Variants in DMD observed in about 807,000 individuals in gnomAD.
DMD encodes dystrophin, also known as mutant dystrophin.
Under a neutral mutation model 330.1 loss-of-function variants are expected in DMD, and 63 were observed. That is an observed-to-expected ratio of 0.19 (90% CI 0.16 to 0.24). The LOEUF is 0.24. Among genes scored for constraint, DMD ranks in the 10% least tolerant of loss-of-function variants. The pLI is 1.00. For missense variants in DMD, 3,344 were observed against 2,684.1 expected (o/e 1.25, Z -5.43); for synonymous variants, 1,223 against 959.8 (o/e 1.27, Z -5.07).
At position 31,178,500 on chromosome X, in the gene DMD, G is replaced by C. The variant is rs1416692750; in HGVS notation, c.10223+169C>G. On this transcript the variant is annotated intron_variant, in intron 70 of 78. Coordinates refer to ENST00000357033, the MANE Select transcript of DMD (RefSeq NM_004006.3). ...GGAAAAAGAAATTGTCAAGTGACGT[G>C]GGAAAGTGGCAACTGGACATCAGCT... 4.1e-6 allele frequency: 4 copies of C among 987,635 alleles called. No homozygotes were observed. The Admixed American group carries it at 1.8e-4, about 44-fold the overall frequency. 81.4% of individuals were successfully genotyped at this position (987,635 alleles called of 1,213,427 possible).
At chrX:33,124,476 G>GAAAAAAAA (rs56147804) in intron 1 of DMD, among the ~76,000 whole-genome samples, 1 of 16,132 alleles carries the variant, frequency 6.2e-5, no homozygotes, top group African/African-American at 2.7e-4. Context: ...GACTCTGTCT[G>GAAAAAAAA]AAAAAAAAAA....
At chrX:32,326,533 G>T (rs189649598) in intron 41 of DMD, among the ~76,000 whole-genome samples, 41 of 112,861 alleles carry the variant, frequency 3.6e-4, no homozygotes, top group African/African-American at 9.0e-4. Context: ...GTTAGCTGGT[G>T]GCAGTGGTAT....
chrX:33,065,361 T>C (rs2094638180), intron 1 of DMD, among the ~76,000 whole-genome samples: 1 of 112,647 alleles, frequency 8.9e-6, no homozygotes, highest in Non-Finnish European at 1.9e-5. Flanking sequence ...ATATTTTTAT[T>C]TGTAGAGTTC....
intron 44 of DMD, chrX:32,206,236 T>C: frequency 1.9e-6 from 1 of 516,277 alleles, no homozygotes; most frequent in Non-Finnish European, 3.5e-6. Context: ...CAGCATTTAG[T>C]AGCTGGGGAG....
rs767392198 is a variant in DMD at position 32,813,101 on chromosome X, A to T, written c.530+3367T>A. Among the ~76,000 whole-genome samples, 10 of 111,812 alleles carry T rather than the reference A, an allele frequency of 8.9e-5. No individual in the cohort carries two copies. The East Asian group carries it at 2.5e-3, about 28-fold the overall frequency. On this transcript the variant is annotated intron_variant, in intron 6 of 78. Transcript: ENST00000357033. ...TAACTAACCAACTGAGTGTGTGGAT[A>T]TCTTATCTAAGTCATATAATTTATT...
chrX:32,218,801 G>T (rs2097122704), intron 43 of DMD, among the ~76,000 whole-genome samples: 1 of 111,735 alleles, frequency 8.9e-6, no homozygotes, highest in South Asian at 3.7e-4. Flanking sequence ...TTAAATAGTA[G>T]AGAGAGGCTT....
intron 44 of DMD, among the ~76,000 whole-genome samples, chrX:32,113,767 T>C (rs941723733): frequency 8.0e-5 from 9 of 111,981 alleles, no homozygotes; most frequent in Non-Finnish European, 1.7e-4. Flanking sequence ...TGATCATAGT[T>C]ATAGCTTTGA....
Position 32,342,213 on chromosome X carries a change from A to T in DMD, c.5809T>A (p.Ser1937Thr). The change falls in exon 41 of 79, where the codon TCT (serine) becomes ACT (threonine). Residue 1937 changes from serine to threonine, a missense_variant. Transcript: ENST00000357033. ...ACTGCCATTGCGGCCCCATCCTCAG[A>T]CAAGCCCTCAGCTTGCCTACGCACT... Reference protein sequence around the residue: ...NAVRRQAEGLSEDGAAMAVEP... With the variant: ...NAVRRQAEGLTEDGAAMAVEP... 1.7e-6 allele frequency: 2 copies of T among 1,211,226 alleles called. No homozygotes were observed. Among genetic ancestry groups the T allele is most frequent in the Middle Eastern group, 2.3e-4 (1 of 4,352 alleles).
chrX:32,410,357 C>G (rs1016032234), intron 30 of DMD, among the ~76,000 whole-genome samples: 1 of 111,323 alleles, frequency 9.0e-6, no homozygotes, highest in Non-Finnish European at 1.9e-5. Flanking sequence ...ACTTTTTAAG[C>G]CTATCAAAAC....
chrX:32,319,922 T>C (rs1211848570), intron 41 of DMD, among the ~76,000 whole-genome samples: 2 of 110,748 alleles, frequency 1.8e-5, no homozygotes, highest in African/African-American at 6.6e-5. Flanking sequence ...ATATTTTTTA[T>C]TTTAAGCTAT....
At chrX:33,265,430 C>T (rs1299472899) in intron 1 of DMD, among the ~76,000 whole-genome samples, 1 of 111,045 alleles carries the variant, frequency 9.0e-6, no homozygotes, top group Non-Finnish European at 1.9e-5. Context: ...TCCATAGGCC[C>T]CTTGTAAATT....
chrX:32,310,528 C>G (rs138805863), intron 41 of DMD, among the ~76,000 whole-genome samples: 251 of 111,126 alleles, frequency 2.3e-3, no homozygotes, highest in African/African-American at 7.8e-3. Flanking sequence ...AAATATAAGA[C>G]GAAAGACCAT....
At chrX:32,107,453 T>C (rs767111013) in intron 44 of DMD, among the ~76,000 whole-genome samples, 1 of 107,550 alleles carries the variant, frequency 9.3e-6, no homozygotes, top group East Asian at 3.0e-4. Flanking sequence ...ACTCCCAAGG[T>C]ATACAGGGTG....
At chrX:31,598,380 T>C (rs1477075185) in intron 55 of DMD, among the ~76,000 whole-genome samples, 1 of 111,577 alleles carries the variant, frequency 9.0e-6, no homozygotes, top group Non-Finnish European at 1.9e-5. Context: ...TGCCTTAGCC[T>C]CCCAAATTGC....
intron 9 of DMD, among the ~76,000 whole-genome samples, chrX:32,691,737 C>T (rs749171771): frequency 9.0e-6 from 1 of 110,981 alleles, no homozygotes; most frequent in South Asian, 3.8e-4. Flanking sequence ...TTCACAAGAG[C>T]CAAGATGTGG....
chrX:31,873,325 T>C (rs1440946225), intron 48 of DMD, among the ~76,000 whole-genome samples: 2 of 111,423 alleles, frequency 1.8e-5, no homozygotes, highest in Admixed American at 1.9e-4. Context: ...AAGGTAAACA[T>C]AGTCGAGAAC....
intron 7 of DMD, among the ~76,000 whole-genome samples, chrX:32,782,977 T>TAC (rs1367560842): frequency 9.6e-5 from 10 of 103,847 alleles, no homozygotes; most frequent in Non-Finnish European, 2.0e-4. Context: ...CACATATATA[T>TAC]ACCTATATGG....
chrX:32,313,805 A>C (rs1429238154), intron 41 of DMD, among the ~76,000 whole-genome samples: 2 of 111,321 alleles, frequency 1.8e-5, no homozygotes, highest in African/African-American at 6.5e-5. Flanking sequence ...AAATTGCTAC[A>C]AAGAGAATAA....
At chrX:33,059,992 C>T (rs955062829) in intron 1 of DMD, among the ~76,000 whole-genome samples, 1 of 111,914 alleles carries the variant, frequency 8.9e-6, no homozygotes, top group East Asian at 2.8e-4. Flanking sequence ...TCTTTTTATA[C>T]CATCTTTCAA....
Sources: allele counts gnomAD v4.1 joint callset (sites outside exome capture counted in the v4.1 genomes callset), GRCh38; gene constraint gnomAD v4.1.1; transcripts MANE v1.5; gene names NCBI Gene and HGNC (gene_info 2026-07-23, HGNC 2026-07-21).